The following RSPO2 variants were observed in gnomAD, a reference collection of about 807,000 sequenced individuals.
RSPO2 encodes R-spondin 2.
Under a neutral mutation model 30.9 loss-of-function variants are expected in RSPO2, and 14 were observed. The observed-to-expected ratio is 0.45, with a 90% CI of 0.30 to 0.71. RSPO2 has a LOEUF of 0.71. Among genes scored for constraint, RSPO2 ranks in the 30% least tolerant of loss-of-function variants. The pLI, the probability that RSPO2 is intolerant of heterozygous loss-of-function variation, is 0.08. For missense variants in RSPO2, 264 were observed against 301.9 expected, an observed-to-expected ratio of 0.87 and a Z score of 0.93; for synonymous variants, 107 against 96.4, an observed-to-expected ratio of 1.11 and a Z score of -0.64.
chr8:108,036,806 C>T (rs1005838346), intron 2 of RSPO2, among the ~76,000 whole-genome samples: 1 of 152,104 alleles, frequency 6.6e-6, no homozygotes, highest in South Asian at 2.1e-4. Flanking sequence ...TTTGGTAATG[C>T]TTGCAATATT....
chr8:107,989,608 G>A (rs1309840634), intron 2 of RSPO2: 1 of 169,896 alleles, frequency 5.9e-6, no homozygotes, highest in Non-Finnish European at 1.2e-5. Flanking sequence ...GAGTAAATGG[G>A]GCTGTTTGTC....
intron 2 of RSPO2, among the ~76,000 whole-genome samples, chr8:108,068,606 G>A (rs1313761358): frequency 5.9e-5 from 9 of 152,200 alleles, no homozygotes; most frequent in Non-Finnish European, 1.3e-4. Context: ...TGTGAATGTG[G>A]CCTTATTTGC....
At chr8:107,987,092 C>T (rs536062752) in intron 3 of RSPO2, among the ~76,000 whole-genome samples, 218 of 152,258 alleles carry the variant, frequency 1.4e-3, no homozygotes, top group African/African-American at 4.9e-3. Flanking sequence ...ACTCTGCTAA[C>T]GACGTAACAT....
At chr8:108,018,739 T>C (rs963350968) in intron 2 of RSPO2, among the ~76,000 whole-genome samples, 1 of 152,174 alleles carries the variant, frequency 6.6e-6, no homozygotes, top group African/African-American at 2.4e-5. Context: ...GCTAAATACT[T>C]CCAAATATTT....
At chr8:107,965,639 G>T (rs528155555) in intron 3 of RSPO2, among the ~76,000 whole-genome samples, 17 of 147,122 alleles carry the variant, frequency 1.2e-4, no homozygotes, top group South Asian at 8.7e-4. Context: ...TGCCATTCAA[G>T]TTTTTTTTTT....
chr8:108,048,241 G>A (rs2514839), intron 2 of RSPO2, among the ~76,000 whole-genome samples: 24,751 of 151,728 alleles, frequency 0.16, 2,487 homozygotes, highest in Non-Finnish European at 0.22. Context: ...ACATCAGCTT[G>A]TAAGAAAGTC....
chr8:108,058,937 G>C (rs1306012856), intron 2 of RSPO2, among the ~76,000 whole-genome samples: 1 of 151,522 alleles, frequency 6.6e-6, no homozygotes, highest in Non-Finnish European at 1.5e-5. Flanking sequence ...CATAGGCATG[G>C]GCAAGGACTT....
intron 2 of RSPO2, among the ~76,000 whole-genome samples, chr8:108,059,014 C>A (rs200578058): frequency 2.6e-5 from 4 of 151,748 alleles, no homozygotes; most frequent in Admixed American, 6.6e-5. Flanking sequence ...TAATTAAACT[C>A]AAGAGCTTCT....
At chr8:107,931,355 GC>G (rs1812548690) in intron 5 of RSPO2, among the ~76,000 whole-genome samples, 1 of 152,052 alleles carries the variant, frequency 6.6e-6, no homozygotes, top group Non-Finnish European at 1.5e-5. Flanking sequence ...GTCCAGTAAA[GC>G]CCTTGGTAAT....
In RSPO2 at chr8:108,003,303, ATATATATATTTTTTTTTTT is replaced by A. The variant is rs1563559087; in HGVS notation, c.95-14078_95-14060del. 9.9e-4 allele frequency among the ~76,000 whole-genome samples: 27 copies of A among 27,198 alleles called. No homozygotes were observed. The South Asian group carries it at 0.013, about 13-fold the overall frequency. 17.8% of individuals were successfully genotyped at this position (27,198 alleles called of 152,430 possible). Reference sequence around the variant, plus strand: ...TATATATATATATATATATATATATATATATATATTTTTTTTTTTTTTTTTTTTTTTTTTAAGTAGAGAC... The same window carrying A: ...TATATATATATATATATATATATATATTTTTTTTTTTTTTTAAGTAGAGAC... On this transcript the variant is annotated intron_variant, in intron 2 of 5. Coordinates refer to ENST00000276659, the MANE Select transcript of RSPO2 (RefSeq NM_178565.5).
At chr8:107,981,021 T>C (rs567290753) in intron 3 of RSPO2, among the ~76,000 whole-genome samples, 1 of 152,208 alleles carries the variant, frequency 6.6e-6, no homozygotes, top group African/African-American at 2.4e-5. Context: ...TTCTCAGTAA[T>C]CCCAAACATA....
intron 5 of RSPO2, 70 bp downstream of exon 5, chr8:107,958,010 G>T: frequency 9.8e-7 from 1 of 1,020,198 alleles, no homozygotes; most frequent in Non-Finnish European, 1.4e-6. Context: ...TTTTTGGAAG[G>T]GAAGGTGGTT....
chr8:107,997,273 A>G (rs1815062110), intron 2 of RSPO2: 1 of 157,140 alleles, frequency 6.4e-6, no homozygotes, highest in South Asian at 1.9e-4. Flanking sequence ...AAACATGAAT[A>G]GAGTAATTTA....
intron 5 of RSPO2, among the ~76,000 whole-genome samples, chr8:107,952,908 GAAGA>G (rs887051823): frequency 6.5e-4 from 99 of 152,282 alleles, no homozygotes; most frequent in African/African-American, 2.3e-3. Flanking sequence ...AACCACTTTT[GAAGA>G]AAGAAAGAAT....
intron 2 of RSPO2, among the ~76,000 whole-genome samples, chr8:108,066,212 TCTC>T (rs1334599241): frequency 1.3e-5 from 2 of 152,194 alleles, no homozygotes; most frequent in African/African-American, 4.8e-5. Context: ...ATCCAGTTGA[TCTC>T]CTCAAATATT....
intron 5 of RSPO2, among the ~76,000 whole-genome samples, chr8:107,914,590 A>G (rs554844080): frequency 6.6e-6 from 1 of 152,226 alleles, no homozygotes; most frequent in Non-Finnish European, 1.5e-5. Flanking sequence ...TAATGTCTTT[A>G]TGTATTAGAA....
intron 5 of RSPO2, among the ~76,000 whole-genome samples, chr8:107,953,490 C>T (rs764272680): frequency 6.6e-5 from 10 of 152,024 alleles, no homozygotes; most frequent in Admixed American, 2.6e-4. Context: ...GAAGGGATGG[C>T]GATGGCAGGG....
At chr8:108,043,663 T>C (rs555793623) in intron 2 of RSPO2, among the ~76,000 whole-genome samples, 12 of 151,848 alleles carry the variant, frequency 7.9e-5, no homozygotes, top group Non-Finnish European at 1.6e-4. Flanking sequence ...TCTCATTCCA[T>C]GTTTAATTTG....
At chr8:107,952,049 A>C (rs1221847508) in intron 5 of RSPO2, among the ~76,000 whole-genome samples, 1 of 152,144 alleles carries the variant, frequency 6.6e-6, no homozygotes, top group Non-Finnish European at 1.5e-5. Flanking sequence ...TACTTTCAGG[A>C]AACAAGTAAA....
Sources: gnomAD v4.1 joint callset for allele counts (sites outside exome capture counted in the v4.1 genomes callset) on GRCh38, gnomAD v4.1.1 for gene constraint, MANE v1.5 for transcripts, NCBI Gene and HGNC (gene_info 2026-07-23, HGNC 2026-07-21) for gene names.